CDKAL1: variants seen among roughly 807,000 people sequenced by gnomAD.
CDKAL1 encodes the protein threonylcarbamoyladenosine tRNA methylthiotransferase.
Under a neutral mutation model 68.2 loss-of-function variants are expected in CDKAL1, and 32 were observed. The ratio of observed to expected loss-of-function variants is 0.47; its 90% CI spans 0.35 to 0.63. The LOEUF (loss-of-function observed/expected upper bound fraction) is 0.63, where lower values mean the gene tolerates loss of function less well. Among genes scored for constraint, CDKAL1 ranks in the 30% least tolerant of loss-of-function variants. The probability of loss-of-function intolerance (pLI) is 0.00; values close to 1 mark genes in which losing one functional copy is unlikely to be tolerated. For missense variants in CDKAL1, 606 were observed against 696.7 expected (o/e 0.87, Z 1.47); for synonymous variants, 234 against 244.3 (o/e 0.96, Z 0.39).
intron 4 of CDKAL1, among the ~76,000 whole-genome samples, chr6:20,582,874 G>C (rs1407739319): frequency 2.0e-5 from 3 of 152,140 alleles, no homozygotes; most frequent in Admixed American, 2.0e-4. Context: ...TACTGATTCA[G>C]ATGATTGTTT....
chr6:21,117,259 C>G (rs973062976), intron 13 of CDKAL1, among the ~76,000 whole-genome samples: 1 of 151,238 alleles, frequency 6.6e-6, no homozygotes, highest in Non-Finnish European at 1.5e-5. Flanking sequence ...ATAAGGGACA[C>G]CCCCTTAAAT....
intron 13 of CDKAL1, among the ~76,000 whole-genome samples, chr6:21,144,176 C>A (rs769831150): frequency 8.5e-5 from 13 of 152,164 alleles, no homozygotes; most frequent in Non-Finnish European, 1.8e-4. Flanking sequence ...ATCTCACCAC[C>A]TAGCCAAATA....
intron 8 of CDKAL1, among the ~76,000 whole-genome samples, chr6:20,782,111 T>G (rs1775456994): frequency 6.6e-6 from 1 of 152,210 alleles, no homozygotes; most frequent in Non-Finnish European, 1.5e-5. Flanking sequence ...TTTCTCTGAA[T>G]CCAATGGCTT....
intron 9 of CDKAL1, among the ~76,000 whole-genome samples, chr6:20,923,815 T>A (rs1228735570): frequency 6.6e-6 from 1 of 152,122 alleles, no homozygotes; most frequent in African/African-American, 2.4e-5. Flanking sequence ...AGTTCAAGAC[T>A]AGCCTGGGCA....
chr6:20,676,175 T>C (rs1015791290), intron 5 of CDKAL1, among the ~76,000 whole-genome samples: 3 of 125,990 alleles, frequency 2.4e-5, no homozygotes, highest in Non-Finnish European at 4.8e-5. Flanking sequence ...AAAAAAGTTA[T>C]AGTAAGCTGT....
intron 9 of CDKAL1, among the ~76,000 whole-genome samples, chr6:20,875,485 T>C (rs1426625635): frequency 1.3e-5 from 2 of 152,130 alleles, no homozygotes; most frequent in Non-Finnish European, 2.9e-5. Flanking sequence ...TCTTATAAAA[T>C]GTTTCAGTAT....
intron 4 of CDKAL1, among the ~76,000 whole-genome samples, chr6:20,570,412 T>C (rs1764651499): frequency 6.6e-6 from 1 of 151,114 alleles, no homozygotes; most frequent in Non-Finnish European, 1.5e-5. Context: ...AATTAATTTA[T>C]TTTTTTGAGA....
chr6:20,919,067 A>G (rs1762839763), intron 9 of CDKAL1, among the ~76,000 whole-genome samples: 1 of 152,200 alleles, frequency 6.6e-6, no homozygotes, highest in Non-Finnish European at 1.5e-5. Context: ...ATACATCAAT[A>G]GTCATGTGGG....
intron 9 of CDKAL1, among the ~76,000 whole-genome samples, chr6:20,952,224 C>T (rs1764569414): frequency 6.6e-6 from 1 of 152,142 alleles, no homozygotes. Context: ...TCCCAAAGTG[C>T]TGGGATTACA....
At chr6:20,831,416 GTGT>G (rs1424510364) in intron 8 of CDKAL1, among the ~76,000 whole-genome samples, 1 of 88,278 alleles carries the variant, frequency 1.1e-5, no homozygotes, top group Non-Finnish European at 2.5e-5. Flanking sequence ...GTGCGGACGA[GTGT>G]TGTTGTGGAG....
chr6:20,800,959 C>T (rs368114531), intron 8 of CDKAL1, among the ~76,000 whole-genome samples: 2 of 152,072 alleles, frequency 1.3e-5, no homozygotes, highest in South Asian at 2.1e-4. Flanking sequence ...GCCCTGTCAT[C>T]CAGGCTGGAG....
intron 5 of CDKAL1, among the ~76,000 whole-genome samples, chr6:20,734,652 T>C (rs755201107): frequency 6.6e-6 from 1 of 152,210 alleles, no homozygotes; most frequent in African/African-American, 2.4e-5. Context: ...TAATATTCCA[T>C]GACAGCTATG....
intron 5 of CDKAL1, among the ~76,000 whole-genome samples, chr6:20,675,306 A>G (rs1276558275): frequency 6.6e-6 from 1 of 152,204 alleles, no homozygotes; most frequent in Non-Finnish European, 1.5e-5. Context: ...AATTTCCCTG[A>G]GAACACATCT....
chr6:20,574,946 G>A (rs1468198342), intron 4 of CDKAL1, among the ~76,000 whole-genome samples: 1 of 151,918 alleles, frequency 6.6e-6, no homozygotes, highest in Non-Finnish European at 1.5e-5. Flanking sequence ...AGTTTTTCTT[G>A]GGAAAATATT....
At chr6:20,536,215 T>G (rs1395172264) in intron 2 of CDKAL1, among the ~76,000 whole-genome samples, 9 of 152,246 alleles carry the variant, frequency 5.9e-5, no homozygotes, top group Non-Finnish European at 1.3e-4. Flanking sequence ...ATTATAGGCA[T>G]GAGCCTCTGC....
Position 20,587,797 on chromosome 6 carries a change from C to G in CDKAL1, c.286+39092C>G, listed in dbSNP as rs535040138. Among the ~76,000 whole-genome samples the G allele has an allele frequency of 2.0e-5, 3 of 146,708 alleles. No individual in the cohort carries two copies. In the South Asian group the frequency reaches 6.5e-4, roughly 32 times the overall value. On this transcript the variant is annotated intron_variant, in intron 4 of 15. Transcript: ENST00000274695. ...AACTCAATACACCAGAACCAAAAAC[C>G]AAAAAAAACCCCCAGAAGTTGGGTA...
chr6:20,723,834 C>G (rs1364867842), intron 5 of CDKAL1, among the ~76,000 whole-genome samples: 1 of 152,140 alleles, frequency 6.6e-6, no homozygotes, highest in African/African-American at 2.4e-5. Flanking sequence ...TGCCTCTGTT[C>G]AGAGGTTGGG....
At chr6:20,893,347 A>G (rs1004410641) in intron 9 of CDKAL1, among the ~76,000 whole-genome samples, 2 of 152,164 alleles carry the variant, frequency 1.3e-5, no homozygotes, top group African/African-American at 4.8e-5. Context: ...AGCACTCAAC[A>G]TGCTTGGTCC....
intron 10 of CDKAL1, among the ~76,000 whole-genome samples, chr6:20,973,650 G>C (rs1581941311): frequency 2.0e-5 from 3 of 152,154 alleles, no homozygotes; most frequent in East Asian, 3.8e-4. Flanking sequence ...TGTCACCCAG[G>C]CTGGGGTGCA....
Sources: allele counts gnomAD v4.1 joint callset (sites outside exome capture counted in the v4.1 genomes callset), GRCh38; gene constraint gnomAD v4.1.1; transcripts MANE v1.5; gene names NCBI Gene and HGNC (gene_info 2026-07-23, HGNC 2026-07-21).